Variants in DUSP15 observed in about 807,000 individuals in gnomAD.
The protein encoded by DUSP15 is dual specificity protein phosphatase 15.
Under a neutral mutation model 26.3 loss-of-function variants are expected in DUSP15, and 23 were observed. The ratio of observed to expected loss-of-function variants is 0.87; its 90% CI spans 0.63 to 1.24. The LOEUF (loss-of-function observed/expected upper bound fraction) is 1.24. DUSP15 is among the 50% of genes most tolerant of loss of function. DUSP15 has a pLI of 0.00. For synonymous variants in DUSP15, 143 were observed against 135.5 expected (o/e 1.06, Z -0.39); for missense variants, 364 against 320.6 (o/e 1.14, Z -1.03).
At chr20:31,849,685 G>T in intron 8 of DUSP15, 1 of 1,532,160 alleles carries the variant, frequency 6.5e-7, no homozygotes, top group Non-Finnish European at 8.7e-7. Flanking sequence ...CTCCAGGTGA[G>T]GCGGCAGGCC....
At chr20:31,849,443 A>T in intron 8 of DUSP15, 1 of 573,670 alleles carries the variant, frequency 1.7e-6, no homozygotes. Flanking sequence ...CCTGCATTTA[A>T]TGTGCCCACT....
downstream of DUSP15, among the ~76,000 whole-genome samples, chr20:31,847,306 G>A (rs2062387107): frequency 6.6e-6 from 1 of 152,130 alleles, no homozygotes; most frequent in Non-Finnish European, 1.5e-5. Flanking sequence ...CTTCAGTGAG[G>A]GGCAGGGGTA....
In DUSP15 at chr20:31,850,144, T is replaced by C. The variant is rs570751172; in HGVS notation, c.492-270A>G. Among the ~76,000 whole-genome samples the C allele has an allele frequency of 2.5e-3, 374 of 152,258 alleles. 1 individual carries two copies. The highest frequency in any genetic ancestry group is 8.4e-3 in the African/African-American group (351 of 41,548). On this transcript the variant is annotated intron_variant, in intron 7 of 9. Transcript: ENST00000278979. ...GTGAGGGCATGACCCTCCCAGCAAA[T>C]CTTCTGGGATTCTAGGAGCTTCCTC...
chr20:31,856,874 G>A (rs949586823), downstream of DUSP15, among the ~76,000 whole-genome samples: 2 of 152,032 alleles, frequency 1.3e-5, no homozygotes, highest in Non-Finnish European at 2.9e-5. Flanking sequence ...AGAAACAAAG[G>A]CCTGGGAGGG....
chr20:31,847,368 G>A (rs2062387695), downstream of DUSP15, among the ~76,000 whole-genome samples: 1 of 152,182 alleles, frequency 6.6e-6, no homozygotes, highest in South Asian at 2.1e-4. Context: ...CTCCAAGAGA[G>A]TAAAGAGCAT....
downstream of DUSP15, among the ~76,000 whole-genome samples, chr20:31,860,672 G>A (rs1363750484): frequency 6.6e-6 from 1 of 152,224 alleles, no homozygotes; most frequent in East Asian, 1.9e-4. Context: ...GTGAACTCAT[G>A]CAGTAAAAGG....
intron 6 of DUSP15, 124 bp from the exon 7 acceptor site, chr20:31,861,799 C>T: frequency 2.6e-6 from 2 of 768,498 alleles, no homozygotes; most frequent in Non-Finnish European, 3.8e-6. Context: ...CGCTGAGCCC[C>T]TCCCTTCCTG....
downstream of DUSP15, among the ~76,000 whole-genome samples, chr20:31,857,343 G>T (rs2062577041): frequency 1.3e-5 from 2 of 151,046 alleles, no homozygotes; most frequent in Non-Finnish European, 2.9e-5. Flanking sequence ...TTTTTATAGA[G>T]ACGGGCTCTC....
In DUSP15 at chr20:31,870,289, G is replaced by A. The variant is rs2062893629; in HGVS notation, c.21+28C>T. 8.9e-6 allele frequency: 11 copies of A among 1,230,258 alleles called. No individual in the cohort carries two copies. The highest frequency in any genetic ancestry group is 1.0e-5 in the Non-Finnish European group (10 of 986,684). 76.2% of individuals were successfully genotyped at this position (1,230,258 alleles called of 1,614,324 possible). On this transcript the variant is annotated intron_variant, in intron 1 of 6. Transcript: ENST00000339738. This position sits in a 1 kb window ranked among gnomAD's most constrained non-coding sequence, Gnocchi z 6.6. ...GCCGCGGCGGCCGGGGCGGGGACCG[G>A]GGAGGCTGCGCGGGGCCCGCCCCCT...
In DUSP15 at chr20:31,861,147, C is replaced by G. The variant is rs1004245238; in HGVS notation, c.*256G>C. 1.4e-4 allele frequency: 189 copies of G among 1,317,858 alleles called. No homozygotes were observed. Among genetic ancestry groups the G allele is most frequent in the Non-Finnish European group, 1.8e-4 (182 of 1,039,218 alleles). The allele number at this position is 1,317,858 out of a possible 1,614,324, so 81.6% of individuals were successfully genotyped here. A position where few individuals can be genotyped will look rare whatever the true frequency, so the allele number is the denominator to read the frequency against. ...ACTCTCCCTCCCTCCCCTCCCGCCG[C>G]CTTTAAGGGTGGGCCCCCTCCCCCA... On this transcript the variant is annotated 3_prime_UTR_variant, in exon 7 of 7. Transcript: ENST00000339738.
At chr20:31,869,661 G>T in intron 1 of DUSP15, 64 bp from the exon 2 acceptor site, 1 of 1,591,514 alleles carries the variant, frequency 6.3e-7, no homozygotes, top group Non-Finnish European at 8.6e-7. Context: ...CCCCAGGGCA[G>T]CTGGGGGGCC....
At position 31,863,838 on chromosome 20, in the gene DUSP15, A is replaced by C. The variant is rs2062710850; in HGVS notation, c.263+69T>G. On this transcript the variant is annotated intron_variant, in intron 5 of 6. Coordinates refer to ENST00000339738, the MANE Select transcript of DUSP15 (RefSeq NM_080611.5). ...ACAGGTCCAACCTTCCCACAGGGGG[A>C]GTGTGTGTTCAGCAGAGGGCACAGC... is the stretch of plus-strand genomic sequence containing the variant. The C allele has an allele frequency of 2.1e-6, 3 of 1,443,434 alleles. No individual in the cohort carries two copies. The African/African-American group carries it at 4.2e-5, about 20-fold the overall frequency. The allele number at this position is 1,443,434 out of a possible 1,614,324, so 89.4% of individuals were successfully genotyped here.
chr20:31,866,060 A>G (rs1482625459), intron 3 of DUSP15, among the ~76,000 whole-genome samples: 1 of 152,224 alleles, frequency 6.6e-6, no homozygotes, highest in African/African-American at 2.4e-5. Context: ...ATGACATTGA[A>G]AATCATAGAT....
chr20:31,845,724 A>G, downstream of DUSP15: 1 of 695,552 alleles, frequency 1.4e-6, no homozygotes, highest in Non-Finnish European at 2.4e-6. Flanking sequence ...CACTCCCACA[A>G]GGCCCAAAAG....
intron 7 of DUSP15, chr20:31,850,605 T>C: frequency 7.5e-6 from 12 of 1,609,918 alleles, no homozygotes; most frequent in Non-Finnish European, 1.0e-5. Flanking sequence ...GGATTTCGAT[T>C]CCTTACCAGG....
At position 31,861,644 on chromosome 20, in the gene DUSP15, T is replaced by TC. The variant is rs2062657959; in HGVS notation, c.466dup (p.Glu156GlyfsTer155). 2.4e-6 allele frequency: 3 copies of TC among 1,246,086 alleles called. No individual in the cohort carries two copies. In the East Asian group the frequency reaches 2.4e-4, roughly 100 times the overall value. 77.2% of individuals were successfully genotyped at this position (1,246,086 alleles called of 1,614,324 possible). On this transcript the variant is annotated frameshift_variant, in exon 7 of 7. Coordinates refer to ENST00000339738, the MANE Select transcript of DUSP15 (RefSeq NM_080611.5). LOFTEE classifies it high-confidence loss of function. ...CTCCTCCTCGTCGCGGAAGGGGCTCTCGCCGAAGCGCTCCTCCAGCTGCCG... is the reference window on the plus strand; with the variant it reads ...CTCCTCCTCGTCGCGGAAGGGGCTCTCCGCCGAAGCGCTCCTCCAGCTGCCG...
downstream of DUSP15, chr20:31,845,659 T>C: frequency 7.7e-7 from 1 of 1,291,944 alleles, no homozygotes; most frequent in Middle Eastern, 2.7e-4. Context: ...CCTCCCAGCC[T>C]GGAAAGGCAA....
At chr20:31,848,289 T>C (rs561259865) in exon 10 of DUSP15, 1 of 1,241,508 alleles carries the variant, frequency 8.1e-7, no homozygotes, top group Admixed American at 2.9e-5. Context: ...AAGGCCGCGA[T>C]CCACCTCTGC....
At chr20:31,850,038 A>C (rs943896362) in intron 7 of DUSP15, among the ~76,000 whole-genome samples, 1 of 152,192 alleles carries the variant, frequency 6.6e-6, no homozygotes, top group Non-Finnish European at 1.5e-5. Flanking sequence ...AATTCTAGTA[A>C]TAATAGTAGT....
Sources: allele counts gnomAD v4.1 joint callset (sites outside exome capture counted in the v4.1 genomes callset), GRCh38; gene constraint gnomAD v4.1.1; non-coding constraint Gnocchi (gnomAD v3.1); transcripts MANE v1.5; gene names NCBI Gene and HGNC (gene_info 2026-07-23, HGNC 2026-07-21).